GTF2H5: variants seen among roughly 807,000 people sequenced by gnomAD.
GTF2H5 encodes the protein general transcription factor IIH subunit 5.
GTF2H5 carries 5 observed loss-of-function variants against 7.1 expected under a neutral mutation model. The observed-to-expected ratio is 0.71, with a 90% CI of 0.37 to 1.49. The LOEUF is 1.49. Among genes scored for constraint, GTF2H5 ranks in the 40% most tolerant of loss-of-function variants. The pLI is 0.03. For synonymous variants in GTF2H5, 30 were observed against 31.7 expected (o/e 0.95, Z 0.18); for missense variants, 80 against 83.0 (o/e 0.96, Z 0.14).
rs1036028156 is a variant in GTF2H5, at chr6:158,195,606, T to C, written c.*3449T>C. The C allele has an allele frequency of 2.0e-5, 3 of 152,234 alleles. No homozygotes were observed. Among genetic ancestry groups the C allele is most frequent in the African/African-American group, 7.2e-5 (3 of 41,466 alleles). 9.4% of individuals were successfully genotyped at this position (152,234 alleles called of 1,614,324 possible). On this transcript the variant is annotated 3_prime_UTR_variant, in exon 3 of 3. Transcript: ENST00000607778. ...TGGTAATCCAAATGATTAATGATTT[T>C]ATTGCTCTTTACATTTTCTAGAACA...
intron 2 of GTF2H5, among the ~76,000 whole-genome samples, chr6:158,185,150 T>A (rs113230399): frequency 6.7e-4 from 102 of 151,806 alleles, no homozygotes; most frequent in African/African-American, 2.3e-3. Context: ...TGAGTGTCTT[T>A]TTTTTTTTTT....
At chr6:158,168,804 T>G (rs1442047162) in intron 1 of GTF2H5, among the ~76,000 whole-genome samples, 2 of 152,162 alleles carry the variant, frequency 1.3e-5, no homozygotes, top group Non-Finnish European at 2.9e-5. Flanking sequence ...ATATGTAAAA[T>G]GAGGTGGCTG....
Position 158,169,316 on chromosome 6 carries a change from T to C in GTF2H5, c.-35+921T>C, listed in dbSNP as rs1465133247. On this transcript the variant is annotated intron_variant, in intron 1 of 2. Coordinates refer to ENST00000607778, the MANE Select transcript of GTF2H5 (RefSeq NM_207118.3). ...TATTTTATATATAATATATAATATG[T>C]ATATTATGTATATTATATATAATAC... Among the ~76,000 whole-genome samples the C allele has an allele frequency of 4.1e-5, 5 of 121,158 alleles. 1 individual carries two copies. Among genetic ancestry groups the C allele is most frequent in the African/African-American group, 1.6e-4 (5 of 31,402 alleles). The allele number at this position is 121,158 out of a possible 152,430, so 79.5% of individuals were successfully genotyped here.
intron 2 of GTF2H5, among the ~76,000 whole-genome samples, chr6:158,186,324 C>G (rs1398293590): frequency 3.3e-5 from 5 of 152,182 alleles, no homozygotes; most frequent in Non-Finnish European, 7.4e-5. Context: ...AGAAAATTCC[C>G]AAAGTCTTCA....
chr6:158,169,501 A>ATAATATACAGTATAAT (rs1409637004), intron 1 of GTF2H5, among the ~76,000 whole-genome samples: 2 of 78,826 alleles, frequency 2.5e-5, no homozygotes, highest in African/African-American at 1.1e-4. Context: ...TATATTATAT[A>ATAATATACAGTATAAT]ATATATTGTA....
At chr6:158,187,383 G>A (rs746751882) in intron 2 of GTF2H5, among the ~76,000 whole-genome samples, 5 of 152,124 alleles carry the variant, frequency 3.3e-5, no homozygotes, top group Non-Finnish European at 4.4e-5. Flanking sequence ...CTACAGAGTC[G>A]ATTATTCCCA....
At position 158,198,889 on chromosome 6, in the gene GTF2H5, T is replaced by G. The variant is rs747300717; in HGVS notation, c.*6732T>G. The G allele has an allele frequency of 9.9e-5, 15 of 152,262 alleles. No homozygotes were observed. The highest frequency in any genetic ancestry group is 2.6e-4 in the Admixed American group (4 of 15,292). 9.4% of individuals were successfully genotyped at this position (152,262 alleles called of 1,614,324 possible). A position where few individuals can be genotyped will look rare whatever the true frequency, so the allele number is the denominator to read the frequency against. On this transcript the variant is annotated 3_prime_UTR_variant, in exon 3 of 3. Coordinates refer to ENST00000607778, the MANE Select transcript of GTF2H5 (RefSeq NM_207118.3). Reference sequence around the variant, plus strand: ...ACTTCTTAATGTTGCCTGGAATACATGAGTCTTCCTGATCTCTTCAAACGG... The same window carrying G: ...ACTTCTTAATGTTGCCTGGAATACAGGAGTCTTCCTGATCTCTTCAAACGG...
rs377433834 is a variant in GTF2H5 at position 158,170,453 on chromosome 6, C to G, written c.-34-17C>G. The G allele has an allele frequency of 1.2e-4, 168 of 1,458,632 alleles. 1 individual carries two copies. In the African/African-American group the frequency reaches 2.1e-3, roughly 18 times the overall value. 90.4% of individuals were successfully genotyped at this position (1,458,632 alleles called of 1,614,324 possible). A position where few individuals can be genotyped will look rare whatever the true frequency, so the allele number is the denominator to read the frequency against. On this transcript the variant is annotated splice_polypyrimidine_tract_variant and intron_variant, in intron 1 of 2. Coordinates refer to ENST00000607778, the MANE Select transcript of GTF2H5 (RefSeq NM_207118.3). ...TTAATGATTTTTAATTTAATGTTAC[C>G]TTACTCTTTTTATTAGCATTCTTCA... is the stretch of plus-strand genomic sequence containing the variant.
At chr6:158,182,448 T>C (rs542697993) in intron 2 of GTF2H5, among the ~76,000 whole-genome samples, 3 of 152,362 alleles carry the variant, frequency 2.0e-5, no homozygotes, top group African/African-American at 7.2e-5. Context: ...GAAATTCTCC[T>C]GGATAATATC....
At position 158,192,264 on chromosome 6, in the gene GTF2H5, T is replaced by C. The variant is rs1489095262; in HGVS notation, c.*107T>C. 3 of 839,368 alleles carry C rather than the reference T, an allele frequency of 3.6e-6. No homozygotes were observed. The highest frequency in any genetic ancestry group is 1.7e-5 in the African/African-American group (1 of 59,484). 52.0% of individuals were successfully genotyped at this position (839,368 alleles called of 1,614,324 possible). The stretch of plus-strand genomic sequence containing the variant: ...GACATAGAGGGTTGTTTTAGGAGCA[T>C]GCCACGGGAAAGACTGAGGGATCAT... On this transcript the variant is annotated 3_prime_UTR_variant, in exon 3 of 3. Coordinates refer to ENST00000607778, the MANE Select transcript of GTF2H5 (RefSeq NM_207118.3).
At chr6:158,180,753 C>G (rs1197495067) in intron 2 of GTF2H5, among the ~76,000 whole-genome samples, 2 of 150,944 alleles carry the variant, frequency 1.3e-5, no homozygotes. Context: ...TGATTTTTCT[C>G]TCTTTCTTCT....
intron 2 of GTF2H5, among the ~76,000 whole-genome samples, chr6:158,176,374 C>T (rs1205553788): frequency 6.6e-6 from 1 of 152,096 alleles, no homozygotes; most frequent in African/African-American, 2.4e-5. Context: ...TTACAGGTGC[C>T]TGCCACCATG....
rs1202244685 is a variant in GTF2H5, at chr6:158,198,557, G to A, written c.*6400G>A. The A allele has an allele frequency of 6.6e-6, 1 of 152,226 alleles. No individual in the cohort carries two copies. Among genetic ancestry groups the A allele is most frequent in the Non-Finnish European group, 1.5e-5 (1 of 68,076 alleles). 9.4% of individuals were successfully genotyped at this position (152,226 alleles called of 1,614,324 possible). ...TTCTCGTGCCTCAGCCATCCCTATA[G>A]GCATGCGCCACCACACTTTGCTAAT... On this transcript the variant is annotated 3_prime_UTR_variant, in exon 3 of 3. Transcript: ENST00000607778.
intron 1 of GTF2H5, 76 bp downstream of exon 1, chr6:158,168,471 G>A (rs1005490025): frequency 2.0e-5 from 3 of 152,570 alleles, no homozygotes; most frequent in Non-Finnish European, 4.4e-5. Context: ...AAGGGGAGAG[G>A]AAGAGAAAAG....
At position 158,196,251 on chromosome 6, in the gene GTF2H5, C is replaced by G. The variant is rs909375497; in HGVS notation, c.*4094C>G. On this transcript the variant is annotated 3_prime_UTR_variant, in exon 3 of 3. Coordinates refer to ENST00000607778, the MANE Select transcript of GTF2H5 (RefSeq NM_207118.3). Reference sequence around the variant, plus strand: ...GAGCCGAGATCGTGCCACTGCACTCCAGCCGGGGTGACAGAGCGAGACTCC... The same window carrying G: ...GAGCCGAGATCGTGCCACTGCACTCGAGCCGGGGTGACAGAGCGAGACTCC... 6.6e-6 allele frequency: 1 copy of G among 152,150 alleles called. No individual in the cohort carries two copies. The highest frequency in any genetic ancestry group is 2.4e-5 in the African/African-American group (1 of 41,408). 9.4% of individuals were successfully genotyped at this position (152,150 alleles called of 1,614,324 possible). A position where few individuals can be genotyped will look rare whatever the true frequency, so the allele number is the denominator to read the frequency against.
At position 158,196,956 on chromosome 6, in the gene GTF2H5, A is replaced by G. The variant is rs532601001; in HGVS notation, c.*4799A>G. 4 of 152,362 alleles carry G rather than the reference A, an allele frequency of 2.6e-5. No individual in the cohort carries two copies. Among genetic ancestry groups the G allele is most frequent in the Admixed American group, 1.3e-4 (2 of 15,308 alleles). The allele number at this position is 152,362 out of a possible 1,614,324, so 9.4% of individuals were successfully genotyped here. A position where few individuals can be genotyped will look rare whatever the true frequency, so the allele number is the denominator to read the frequency against. ...GTTCAGCTTTTATAAATCTGACTGA[A>G]AAATTAAAGTTGAGCACACTTTCCA... On this transcript the variant is annotated 3_prime_UTR_variant, in exon 3 of 3. Coordinates refer to ENST00000607778, the MANE Select transcript of GTF2H5 (RefSeq NM_207118.3).
At position 158,170,525 on chromosome 6, in the gene GTF2H5, G is replaced by C; in HGVS notation, c.22G>C (p.Val8Leu). 1 of 1,609,236 alleles carries C rather than the reference G, an allele frequency of 6.2e-7. No homozygotes were observed. Among genetic ancestry groups the C allele is most frequent in the East Asian group, 2.2e-5 (1 of 44,842 alleles). Residue 8 changes from valine (V) to leucine (L), a missense_variant, in exon 2 of 3, where the codon GTG (valine) becomes CTG (leucine). Coordinates refer to ENST00000607778, the MANE Select transcript of GTF2H5 (RefSeq NM_207118.3). ...AAACATGGTCAACGTCTTGAAAGGA[G>C]TGCTTATAGAATGGTTAGTAGTTTT... is the stretch of plus-strand genomic sequence containing the variant. MVNVLKG[V>L]LIECDPAMKQ... is the part of the protein sequence containing the mutation.
intron 1 of GTF2H5, among the ~76,000 whole-genome samples, chr6:158,169,686 A>ATATATATTATATATTATATTGTATAT (rs1178564642): frequency 0.019 from 568 of 29,684 alleles, 117 homozygotes; most frequent in African/African-American, 0.11. Context: ...ATAATATATA[A>ATATATATTATATATTATATTGTATAT]TATATATTAT....
Position 158,196,063 on chromosome 6 carries a change from C to CCT in GTF2H5, c.*3906_*3907insCT. 1 of 152,244 alleles carries CCT rather than the reference C, an allele frequency of 6.6e-6. No individual in the cohort carries two copies. Among genetic ancestry groups the CCT allele is most frequent in the East Asian group, 1.9e-4 (1 of 5,186 alleles). 9.4% of individuals were successfully genotyped at this position (152,244 alleles called of 1,614,324 possible). On this transcript the variant is annotated 3_prime_UTR_variant, in exon 3 of 3. Transcript: ENST00000607778. Reference sequence around the variant, plus strand: ...TTGGGAGGCCGAGGCGGGCAAATCACAAGGTCAGGAGATCAAAACAATCCT... The same window carrying CCT: ...TTGGGAGGCCGAGGCGGGCAAATCACCTAAGGTCAGGAGATCAAAACAATCCT...
Sources: allele counts gnomAD v4.1 joint callset (sites outside exome capture counted in the v4.1 genomes callset), GRCh38; gene constraint gnomAD v4.1.1; transcripts MANE v1.5; gene names NCBI Gene and HGNC (gene_info 2026-07-23, HGNC 2026-07-21).